Variants in CDH12 observed in about 807,000 individuals in gnomAD.
The protein encoded by CDH12 is cadherin-12.
CDH12 carries 41 observed loss-of-function variants against 74.1 expected under a neutral mutation model. The observed-to-expected ratio is 0.55, with a 90% CI of 0.43 to 0.72. The LOEUF (loss-of-function observed/expected upper bound fraction) is 0.72, where lower values mean the gene tolerates loss of function less well. Ranked by LOEUF, CDH12 falls within the 30% of genes least tolerant of loss-of-function variation. The probability of loss-of-function intolerance (pLI) is 0.00; values close to 1 mark genes in which losing one functional copy is unlikely to be tolerated. For synonymous variants in CDH12, 399 were observed against 355.0 expected (o/e 1.12, Z -1.39); for missense variants, 945 against 977.2 (o/e 0.97, Z 0.44).
chr5:22,235,496 G>A (rs1035074939), intron 3 of CDH12, among the ~76,000 whole-genome samples: 8 of 151,888 alleles, frequency 5.3e-5, no homozygotes, highest in South Asian at 4.2e-4. Context: ...AGGAAGAATC[G>A]CTTGAACTTG....
intron 4 of CDH12, among the ~76,000 whole-genome samples, chr5:22,155,651 A>C (rs1377821955): frequency 6.6e-6 from 1 of 152,140 alleles, no homozygotes; most frequent in Non-Finnish European, 1.5e-5. Flanking sequence ...AGTACTTAAA[A>C]ATATTTTATA....
At chr5:21,906,047 AAT>A (rs1753626093) in intron 6 of CDH12, among the ~76,000 whole-genome samples, 1 of 152,204 alleles carries the variant, frequency 6.6e-6, no homozygotes, top group Non-Finnish European at 1.5e-5. Flanking sequence ...ATAAATCCAT[AAT>A]ATGTTACTAT....
intron 1 of CDH12, among the ~76,000 whole-genome samples, chr5:22,830,549 C>T (rs1736554119): frequency 6.6e-6 from 1 of 151,650 alleles, no homozygotes; most frequent in Non-Finnish European, 1.5e-5. Context: ...GAAGTTCTCC[C>T]TTATTTTCAA....
chr5:22,678,849 A>G (rs1441280644), intron 1 of CDH12, among the ~76,000 whole-genome samples: 1 of 152,070 alleles, frequency 6.6e-6, no homozygotes, highest in Admixed American at 6.6e-5. Flanking sequence ...ACCTCGTTTG[A>G]TTCTTAATCA....
At chr5:22,677,469 G>T (rs1056625611) in intron 1 of CDH12, among the ~76,000 whole-genome samples, 2 of 152,014 alleles carry the variant, frequency 1.3e-5, no homozygotes, top group African/African-American at 4.8e-5. Flanking sequence ...GTTTCCTCAA[G>T]CCTCACTTAT....
intron 1 of CDH12, among the ~76,000 whole-genome samples, chr5:22,517,340 T>C (rs1736854773): frequency 6.6e-6 from 1 of 152,162 alleles, no homozygotes; most frequent in Non-Finnish European, 1.5e-5. Context: ...TCTGCCACTA[T>C]AAAATTTAGT....
intron 1 of CDH12, among the ~76,000 whole-genome samples, chr5:22,777,653 C>A (rs1055034130): frequency 6.6e-6 from 1 of 151,498 alleles, no homozygotes; most frequent in African/African-American, 2.4e-5. Flanking sequence ...CTGGTAAATG[C>A]CTTTTTATGT....
Position 22,449,553 on chromosome 5 carries a change from C to T in CDH12, c.-427-44202G>A, listed in dbSNP as rs546948562. ...TAAAATTTTACAGAGTGTTTCTTCC[C>T]AACGCTACTTTCAACTCTGAAACTA... On this transcript the variant is annotated intron_variant, in intron 2 of 14. Coordinates refer to ENST00000382254, the MANE Select transcript of CDH12 (RefSeq NM_004061.5). Among the ~76,000 whole-genome samples the T allele has an allele frequency of 7.2e-5, 11 of 152,042 alleles. 1 individual carries two copies. In the East Asian group the frequency reaches 2.1e-3, roughly 29 times the overall value.
intron 6 of CDH12, among the ~76,000 whole-genome samples, chr5:21,908,474 T>C (rs541924702): frequency 1.3e-5 from 2 of 152,328 alleles, no homozygotes; most frequent in East Asian, 1.9e-4. Flanking sequence ...ATCTCATCCA[T>C]TTGTCTTCAT....
At chr5:22,807,166 T>C (rs1343764824) in intron 1 of CDH12, among the ~76,000 whole-genome samples, 1 of 152,158 alleles carries the variant, frequency 6.6e-6, no homozygotes, top group African/African-American at 2.4e-5. Flanking sequence ...TAAACAAAAT[T>C]ATATAGAGCA....
chr5:22,297,621 G>C (rs185673588), intron 3 of CDH12, among the ~76,000 whole-genome samples: 24 of 152,244 alleles, frequency 1.6e-4, no homozygotes, highest in East Asian at 9.7e-4. Context: ...ACATGCGATT[G>C]TATTTGTATT....
At chr5:22,732,627 T>A (rs1744491074) in intron 1 of CDH12, among the ~76,000 whole-genome samples, 1 of 151,814 alleles carries the variant, frequency 6.6e-6, no homozygotes, top group Non-Finnish European at 1.5e-5. Context: ...AGTGTCCTCC[T>A]ATAAATAATA....
chr5:22,203,609 C>T (rs1416812421), intron 4 of CDH12, among the ~76,000 whole-genome samples: 1 of 152,104 alleles, frequency 6.6e-6, no homozygotes, highest in Non-Finnish European at 1.5e-5. Context: ...GGATACAGAC[C>T]CAGCAATGGC....
At chr5:22,235,742 TAA>T (rs913319605) in intron 3 of CDH12, among the ~76,000 whole-genome samples, 6 of 152,238 alleles carry the variant, frequency 3.9e-5, no homozygotes, top group Admixed American at 6.5e-5. Flanking sequence ...GGAAATAATA[TAA>T]AAGAGTAGCA....
intron 11 of CDH12, among the ~76,000 whole-genome samples, chr5:21,780,639 T>C (rs1253511288): frequency 6.6e-6 from 1 of 152,188 alleles, no homozygotes; most frequent in Non-Finnish European, 1.5e-5. Context: ...GGACAACATG[T>C]TTATGATAAG....
At chr5:22,620,196 A>T (rs1311574909) in intron 1 of CDH12, among the ~76,000 whole-genome samples, 1 of 152,096 alleles carries the variant, frequency 6.6e-6, no homozygotes, top group Non-Finnish European at 1.5e-5. Flanking sequence ...TTCAGTATGG[A>T]AAACTGGATA....
chr5:21,914,337 G>C (rs1032034573), intron 6 of CDH12, among the ~76,000 whole-genome samples: 1 of 152,140 alleles, frequency 6.6e-6, no homozygotes, highest in Non-Finnish European at 1.5e-5. Context: ...ATTTAGGCAG[G>C]AATAATAGAT....
chr5:22,706,523 T>A (rs1176230750), intron 1 of CDH12, among the ~76,000 whole-genome samples: 3 of 152,076 alleles, frequency 2.0e-5, no homozygotes, highest in Non-Finnish European at 4.4e-5. Context: ...CATTTTATAT[T>A]CCAAATTCAA....
rs1411664391 is a variant in CDH12 at position 22,200,925 on chromosome 5, A to G, written c.-187+11573T>C. Reference sequence around the variant, plus strand: ...ATTCAATGATGTAATGAGTTCTGTGATTGGATTATAAGGGACATAGAGTGT... The same window carrying G: ...ATTCAATGATGTAATGAGTTCTGTGGTTGGATTATAAGGGACATAGAGTGT... On this transcript the variant is annotated intron_variant, in intron 4 of 14. Coordinates refer to ENST00000382254, the MANE Select transcript of CDH12 (RefSeq NM_004061.5). 2.0e-5 allele frequency among the ~76,000 whole-genome samples: 3 copies of G among 152,208 alleles called. No individual in the cohort carries two copies. The East Asian group carries it at 5.8e-4, about 29-fold the overall frequency.
Sources: allele counts gnomAD v4.1 joint callset (sites outside exome capture counted in the v4.1 genomes callset), GRCh38; gene constraint gnomAD v4.1.1; transcripts MANE v1.5; gene names NCBI Gene and HGNC (gene_info 2026-07-23, HGNC 2026-07-21).